Variants in GNAO1 observed in about 807,000 individuals in gnomAD.
The protein encoded by GNAO1 is G protein subunit alpha o1.
For missense variants in GNAO1, 166 were observed against 478.7 expected, an observed-to-expected ratio of 0.35 and a Z score of 6.10; for synonymous variants, 164 against 180.7, an observed-to-expected ratio of 0.91 and a Z score of 0.74.
chr16:56,344,530 C>G (rs2037843163), intron 6 of GNAO1: 1 of 987,900 alleles, frequency 1.0e-6, no homozygotes, highest in African/African-American at 1.7e-5. Context: ...CCTTCCTTCT[C>G]TGGGTCATCC....
chr16:56,346,560 C>G, intron 6 of GNAO1: 1 of 985,414 alleles, frequency 1.0e-6, no homozygotes, highest in Non-Finnish European at 1.2e-6. Flanking sequence ...TAGAGGTCCC[C>G]AAGGCTCTCT....
intron 3 of GNAO1, among the ~76,000 whole-genome samples, chr16:56,312,326 G>A (rs1366899470): frequency 6.6e-6 from 1 of 152,238 alleles, no homozygotes; most frequent in Non-Finnish European, 1.5e-5. Flanking sequence ...GATAATACTT[G>A]TGAACATCAA....
chr16:56,214,324 G>T (rs989253174), intron 2 of GNAO1, among the ~76,000 whole-genome samples: 9 of 152,114 alleles, frequency 5.9e-5, no homozygotes, highest in Non-Finnish European at 1.2e-4. Flanking sequence ...ACCTCATTCA[G>T]GGCTGCTGAC....
chr16:56,289,729 G>A (rs1218590516), intron 3 of GNAO1, among the ~76,000 whole-genome samples: 13 of 152,162 alleles, frequency 8.5e-5, no homozygotes, highest in African/African-American at 3.1e-4. Flanking sequence ...GCAGCTGGCT[G>A]ACAGCACTGT....
rs141611377 is a variant in GNAO1, at chr16:56,216,732, A to G, written c.161+24116A>G. Among the ~76,000 whole-genome samples, 10 of 152,332 alleles carry G rather than the reference A, an allele frequency of 6.6e-5. No individual in the cohort carries two copies. The East Asian group carries it at 1.7e-3, about 26-fold the overall frequency. On this transcript the variant is annotated intron_variant, in intron 2 of 8. Coordinates refer to ENST00000262493, the MANE Select transcript of GNAO1 (RefSeq NM_020988.3). ...ACCTCCAAGCCCAGCTTATTTCCACAGTATTCAAGAGCCACAAGGTTTGGA... is the reference window on the plus strand; with the variant it reads ...ACCTCCAAGCCCAGCTTATTTCCACGGTATTCAAGAGCCACAAGGTTTGGA...
chr16:56,305,510 T>G (rs1444048935), intron 3 of GNAO1, among the ~76,000 whole-genome samples: 1 of 152,042 alleles, frequency 6.6e-6, no homozygotes, highest in Non-Finnish European at 1.5e-5. Context: ...GAGGAGCCAG[T>G]GCAGAGGCCC....
intron 2 of GNAO1, among the ~76,000 whole-genome samples, chr16:56,251,704 C>G (rs1463073262): frequency 6.6e-6 from 1 of 152,148 alleles, no homozygotes; most frequent in Non-Finnish European, 1.5e-5. Context: ...ACTAATAGTT[C>G]TGCAGATCCC....
At chr16:56,198,735 T>C (rs554161449) in intron 2 of GNAO1, among the ~76,000 whole-genome samples, 9 of 152,314 alleles carry the variant, frequency 5.9e-5, no homozygotes, top group Non-Finnish European at 1.2e-4. Flanking sequence ...AGCTCTAGTT[T>C]TTATTCCTTT....
At chr16:56,256,710 C>CTGTGTGTG (rs1255530533) in intron 2 of GNAO1, among the ~76,000 whole-genome samples, 1 of 120,526 alleles carries the variant, frequency 8.3e-6, no homozygotes, top group African/African-American at 3.4e-5. Context: ...CTCTCTCTCT[C>CTGTGTGTG]TCTCTCTCTG....
chr16:56,333,655 GC>G (rs1477806571), intron 4 of GNAO1, among the ~76,000 whole-genome samples: 1 of 152,256 alleles, frequency 6.6e-6, no homozygotes, highest in Non-Finnish European at 1.5e-5. Context: ...GAAGTCATCT[GC>G]CCTTTCCAGC....
At chr16:56,277,417 G>A (rs867271534) in intron 3 of GNAO1, among the ~76,000 whole-genome samples, 1 of 152,220 alleles carries the variant, frequency 6.6e-6, no homozygotes, top group Non-Finnish European at 1.5e-5. Flanking sequence ...GCTAGGTGCT[G>A]TGGATACAGG....
intron 2 of GNAO1, among the ~76,000 whole-genome samples, chr16:56,215,820 G>T (rs1344371292): frequency 6.6e-6 from 1 of 152,196 alleles, no homozygotes; most frequent in Non-Finnish European, 1.5e-5. Context: ...TTGTGTGTTT[G>T]GTTCACAGTG....
chr16:56,222,231 AG>A (rs561980912), intron 2 of GNAO1, among the ~76,000 whole-genome samples: 2,669 of 141,352 alleles, frequency 0.019, 54 homozygotes, highest in African/African-American at 0.036. Context: ...TGTCAGTGGG[AG>A]GGAGGGAGGG....
chr16:56,343,898 C>T (rs1429909588), intron 6 of GNAO1: 1 of 1,614,170 alleles, frequency 6.2e-7, no homozygotes, highest in Admixed American at 1.7e-5. Flanking sequence ...GTCTTTGATG[C>T]TGTGACGGAC....
At chr16:56,281,496 T>C (rs1189671150) in intron 3 of GNAO1, among the ~76,000 whole-genome samples, 4 of 151,984 alleles carry the variant, frequency 2.6e-5, no homozygotes, top group African/African-American at 9.7e-5. Context: ...CCTCCCTTTT[T>C]CTTCATCTCC....
intron 3 of GNAO1, among the ~76,000 whole-genome samples, chr16:56,294,036 G>A (rs1339955781): frequency 6.6e-6 from 1 of 152,194 alleles, no homozygotes; most frequent in Admixed American, 6.5e-5. Context: ...TTGAGACAGG[G>A]TTATTACTAT....
Position 56,210,006 on chromosome 16 carries a change from G to C in GNAO1, c.161+17390G>C, listed in dbSNP as rs530036452. Among the ~76,000 whole-genome samples the C allele has an allele frequency of 3.9e-5, 6 of 152,208 alleles. No individual in the cohort carries two copies. In the South Asian group the frequency reaches 1.2e-3, roughly 32 times the overall value. ...GTATCCATCATTTTGGTATCATACAGAGTATTTTCACTGCCTTAAAAATCC... is the reference window on the plus strand; with the variant it reads ...GTATCCATCATTTTGGTATCATACACAGTATTTTCACTGCCTTAAAAATCC... On this transcript the variant is annotated intron_variant, in intron 2 of 8. Transcript: ENST00000262493.
intron 8 of GNAO1, 149 bp downstream of exon 8, chr16:56,355,230 A>C (rs201833981): frequency 1.0e-5 from 2 of 195,080 alleles, no homozygotes; most frequent in Non-Finnish European, 1.9e-5. Flanking sequence ...TATATATACA[A>C]ATATATATTT....
chr16:56,249,384 A>G (rs2036778933), intron 2 of GNAO1, among the ~76,000 whole-genome samples: 1 of 152,114 alleles, frequency 6.6e-6, no homozygotes, highest in African/African-American at 2.4e-5. Flanking sequence ...CCATCTCAAC[A>G]CAGTGCTGCA....
Sources: gnomAD v4.1 joint callset for allele counts (sites outside exome capture counted in the v4.1 genomes callset) on GRCh38, gnomAD v4.1.1 for gene constraint, MANE v1.5 for transcripts, NCBI Gene and HGNC (gene_info 2026-07-23, HGNC 2026-07-21) for gene names.